Variants in PEX3 observed in about 807,000 individuals in gnomAD.
The protein encoded by PEX3 is peroxisomal biogenesis factor 3, also known as peroxin-3.
PEX3 carries 30 observed loss-of-function variants against 55.8 expected under a neutral mutation model. That is an observed-to-expected ratio of 0.54 (90% CI 0.40 to 0.73). The LOEUF (loss-of-function observed/expected upper bound fraction) is 0.73, where lower values mean the gene tolerates loss of function less well. Among genes scored for constraint, PEX3 ranks in the 30% least tolerant of loss-of-function variants. The pLI is 0.00. For synonymous variants in PEX3, 135 were observed against 148.4 expected (o/e 0.91, Z 0.66); for missense variants, 351 against 432.8 (o/e 0.81, Z 1.68).
At chr6:143,470,032 C>G (rs552019707) in intron 4 of PEX3, among the ~76,000 whole-genome samples, 1 of 152,212 alleles carries the variant, frequency 6.6e-6, no homozygotes, top group South Asian at 2.1e-4. Context: ...TCACTGCAAC[C>G]TCCACCTCCT....
rs1780077565 is a variant in PEX3 at position 143,471,725 on chromosome 6, G to T, written c.578+114G>T. ...CAAACGGTGATTTGTGAAACTCTTT[G>T]TAATAAAATCAGATACCATCCTAGG... is the stretch of plus-strand genomic sequence containing the variant. On this transcript the variant is annotated intron_variant, in intron 7 of 11. Transcript: ENST00000367591. The surrounding 1 kb of genome is among the most constrained non-coding windows in gnomAD (Gnocchi z 5.4). 2.5e-6 allele frequency: 2 copies of T among 812,092 alleles called. No homozygotes were observed. The highest frequency in any genetic ancestry group is 1.8e-5 in the Admixed American group (1 of 55,720). The allele number at this position is 812,092 out of a possible 1,614,324, so 50.3% of individuals were successfully genotyped here. A position where few individuals can be genotyped will look rare whatever the true frequency, so the allele number is the denominator to read the frequency against.
chr6:143,489,008 C>T lies in PEX3; in HGVS notation c.1039-135C>T, dbSNP rs1043685532. 3.1e-6 allele frequency: 2 copies of T among 645,806 alleles called. No homozygotes were observed. The highest frequency in any genetic ancestry group is 3.6e-5 in the African/African-American group (2 of 54,890). The allele number at this position is 645,806 out of a possible 1,614,324, so 40.0% of individuals were successfully genotyped here. A position where few individuals can be genotyped will look rare whatever the true frequency, so the allele number is the denominator to read the frequency against. ...CTAGAATTTATTACAAGAAAAACTACTCATTTTCTTAAATGGTTTGCCTCT... is the reference window on the plus strand; with the variant it reads ...CTAGAATTTATTACAAGAAAAACTATTCATTTTCTTAAATGGTTTGCCTCT... On this transcript the variant is annotated intron_variant, in intron 11 of 11. Transcript: ENST00000367591. This position sits in a 1 kb window ranked among gnomAD's most constrained non-coding sequence, Gnocchi z 5.5.
Position 143,488,103 on chromosome 6 carries a change from A to C in PEX3, c.1039-1040A>C, listed in dbSNP as rs915057271. On this transcript the variant is annotated intron_variant, in intron 11 of 11. Coordinates refer to ENST00000367591, the MANE Select transcript of PEX3 (RefSeq NM_003630.3). This position sits in a 1 kb window ranked among gnomAD's most constrained non-coding sequence, Gnocchi z 4.9. ...ATTGAACACCTAGACTGAATACTTGAAACTAAATAACATCAAATTCTCTGA... is the reference window on the plus strand; with the variant it reads ...ATTGAACACCTAGACTGAATACTTGCAACTAAATAACATCAAATTCTCTGA... Among the ~76,000 whole-genome samples, 1 of 152,138 alleles carries C rather than the reference A, an allele frequency of 6.6e-6. No individual in the cohort carries two copies. Among genetic ancestry groups the C allele is most frequent in the Non-Finnish European group, 1.5e-5 (1 of 67,984 alleles).
chr6:143,480,842 A>G (rs770260682), intron 10 of PEX3, among the ~76,000 whole-genome samples: 8 of 152,050 alleles, frequency 5.3e-5, no homozygotes, highest in Non-Finnish European at 8.8e-5. Flanking sequence ...GAGAGACCCT[A>G]TCTCTACAAC....
At position 143,486,594 on chromosome 6, in the gene PEX3, T is replaced by G. The variant is rs527825788; in HGVS notation, c.1038+1346T>G. Among the ~76,000 whole-genome samples, 32 of 152,306 alleles carry G rather than the reference T, an allele frequency of 2.1e-4. No homozygotes were observed. The highest frequency in any genetic ancestry group is 7.7e-4 in the African/African-American group (32 of 41,576). Reference sequence around the variant, plus strand: ...AGGCTATTACAATTATAGTTTAATTTTTTAAACTATAATTTCTATGAGTTA... The same window carrying G: ...AGGCTATTACAATTATAGTTTAATTGTTTAAACTATAATTTCTATGAGTTA... On this transcript the variant is annotated intron_variant, in intron 11 of 11. Transcript: ENST00000367591. The surrounding 1 kb of genome is among the most constrained non-coding windows in gnomAD (Gnocchi z 5.0).
chr6:143,482,486 T>G lies in PEX3; in HGVS notation c.942-2666T>G, dbSNP rs1331797695. 6.6e-6 allele frequency among the ~76,000 whole-genome samples: 1 copy of G among 151,920 alleles called. No homozygotes were observed. The highest frequency in any genetic ancestry group is 1.5e-5 in the Non-Finnish European group (1 of 67,954). On this transcript the variant is annotated intron_variant, in intron 10 of 11. Transcript: ENST00000367591. The surrounding 1 kb of genome is among the most constrained non-coding windows in gnomAD (Gnocchi z 5.5). ...AATATTATCAAAATTCTATTGGAGA[T>G]TGGAGGATGGTTGATTTTTTTCATC...
Position 143,483,240 on chromosome 6 carries a change from A to T in PEX3, c.942-1912A>T, listed in dbSNP as rs138079704. On this transcript the variant is annotated intron_variant, in intron 10 of 11. Transcript: ENST00000367591. This position sits in a 1 kb window ranked among gnomAD's most constrained non-coding sequence, Gnocchi z 4.3. ...CGTGTTATGAATCAGGCACTGTATT[A>T]GGTTTCTGTTCCCATAGATCTTACA... 1.8e-3 allele frequency among the ~76,000 whole-genome samples: 279 copies of T among 152,322 alleles called. No homozygotes were observed. Among genetic ancestry groups the T allele is most frequent in the African/African-American group, 6.3e-3 (260 of 41,576 alleles).
In PEX3 at chr6:143,458,946, A is replaced by G; in HGVS notation, c.74-139A>G. The stretch of plus-strand genomic sequence containing the variant: ...TTCCTTTTCTTTGGGCCAATCTTAC[A>G]AAATTCTTTATTTAGGTTTTAAAAA... On this transcript the variant is annotated intron_variant, in intron 1 of 11. Coordinates refer to ENST00000367591, the MANE Select transcript of PEX3 (RefSeq NM_003630.3). The surrounding 1 kb of genome is among the most constrained non-coding windows in gnomAD (Gnocchi z 6.1). 1 of 615,716 alleles carries G rather than the reference A, an allele frequency of 1.6e-6. No individual in the cohort carries two copies. The highest frequency in any genetic ancestry group is 2.9e-6 in the Non-Finnish European group (1 of 349,676). The allele number at this position is 615,716 out of a possible 1,614,324, so 38.1% of individuals were successfully genotyped here. A position where few individuals can be genotyped will look rare whatever the true frequency, so the allele number is the denominator to read the frequency against.
rs1780353789 is a variant in PEX3, at chr6:143,489,115, TATA to T, written c.1039-25_1039-23del. 1 of 1,455,696 alleles carries T rather than the reference TATA, an allele frequency of 6.9e-7. No individual in the cohort carries two copies. The highest frequency in any genetic ancestry group is 9.7e-7 in the Non-Finnish European group (1 of 1,035,846). The allele number at this position is 1,455,696 out of a possible 1,614,324, so 90.2% of individuals were successfully genotyped here. A position where few individuals can be genotyped will look rare whatever the true frequency, so the allele number is the denominator to read the frequency against. On this transcript the variant is annotated intron_variant, in intron 11 of 11. Coordinates refer to ENST00000367591, the MANE Select transcript of PEX3 (RefSeq NM_003630.3). This position sits in a 1 kb window ranked among gnomAD's most constrained non-coding sequence, Gnocchi z 5.5. ...CAAATTAGCTATATGTTTTGCAAACTATAATGTTATATTATCATCTTTGCTAGG... is the reference window on the plus strand; with the variant it reads ...CAAATTAGCTATATGTTTTGCAAACTATGTTATATTATCATCTTTGCTAGG...
chr6:143,459,298 G>A lies in PEX3; in HGVS notation c.205+82G>A. ...GCATATCACCGGGATCAAATTTAGA[G>A]GAAAAGGCAAAGAAAAGATGGTAAA... On this transcript the variant is annotated intron_variant, in intron 2 of 11. Coordinates refer to ENST00000367591, the MANE Select transcript of PEX3 (RefSeq NM_003630.3). The surrounding 1 kb of genome is among the most constrained non-coding windows in gnomAD (Gnocchi z 4.2). The A allele has an allele frequency of 8.4e-7, 1 of 1,192,020 alleles. No individual in the cohort carries two copies. The highest frequency in any genetic ancestry group is 1.5e-5 in the African/African-American group (1 of 66,566). 73.8% of individuals were successfully genotyped at this position (1,192,020 alleles called of 1,614,324 possible). A position where few individuals can be genotyped will look rare whatever the true frequency, so the allele number is the denominator to read the frequency against.
intron 9 of PEX3, among the ~76,000 whole-genome samples, chr6:143,477,521 G>C (rs1780171567): frequency 6.6e-6 from 1 of 152,126 alleles, no homozygotes; most frequent in African/African-American, 2.4e-5. Context: ...AGTCAGGTAG[G>C]GATGGCTGAG....
Position 143,468,915 on chromosome 6 carries a change from C to A in PEX3, c.331+750C>A, listed in dbSNP as rs545624866. ...TTCAATTCCCACCTATGAGTGAGAA[C>A]ATGTGGTGTTTGGTTTTCTGTCCTT... On this transcript the variant is annotated intron_variant, in intron 4 of 11. Transcript: ENST00000367591. Among the ~76,000 whole-genome samples the A allele has an allele frequency of 3.2e-3, 464 of 146,904 alleles. 4 individuals carry two copies. In the Middle Eastern group the frequency reaches 0.032, roughly 10 times the overall value.
chr6:143,468,297 G>A (rs1780017764), intron 4 of PEX3, 132 bp downstream of exon 4: 8 of 641,472 alleles, frequency 1.2e-5, no homozygotes, highest in South Asian at 4.0e-5. Context: ...TATAGTACAG[G>A]TAAAGCAAAT....
intron 10 of PEX3, among the ~76,000 whole-genome samples, chr6:143,481,713 T>G (rs1283907544): frequency 6.6e-6 from 1 of 152,088 alleles, no homozygotes; most frequent in African/African-American, 2.4e-5. Context: ...AAAATACATT[T>G]TTATATAATA....
intron 10 of PEX3, among the ~76,000 whole-genome samples, chr6:143,480,234 A>G (rs1408315465): frequency 2.0e-5 from 3 of 152,176 alleles, no homozygotes; most frequent in Admixed American, 6.5e-5. Flanking sequence ...CTCAAGACCA[A>G]TCCTATATAC....
In PEX3 at chr6:143,487,657, T is replaced by C. The variant is rs776070262; in HGVS notation, c.1039-1486T>C. The stretch of plus-strand genomic sequence containing the variant: ...TAATAATTTGTTGTGCCAAAGTGAA[T>C]GTGGACCTGTCTGCTACTGTTCATG... On this transcript the variant is annotated intron_variant, in intron 11 of 11. Transcript: ENST00000367591. The surrounding 1 kb of genome is among the most constrained non-coding windows in gnomAD (Gnocchi z 5.3). 6.6e-6 allele frequency among the ~76,000 whole-genome samples: 1 copy of C among 152,120 alleles called. No individual in the cohort carries two copies. The highest frequency in any genetic ancestry group is 1.5e-5 in the Non-Finnish European group (1 of 67,968).
rs3804543 is a variant in PEX3, at chr6:143,486,313, C to T, written c.1038+1065C>T. On this transcript the variant is annotated intron_variant, in intron 11 of 11. Coordinates refer to ENST00000367591, the MANE Select transcript of PEX3 (RefSeq NM_003630.3). The surrounding 1 kb of genome is among the most constrained non-coding windows in gnomAD (Gnocchi z 5.0). ...TAAACCTTACCTTTACCTTTGTCCT[C>T]TTCTGTAGAAGTCCCTGGCTTGGCC... Among the ~76,000 whole-genome samples, 10 of 151,972 alleles carry T rather than the reference C, an allele frequency of 6.6e-5. No homozygotes were observed. The East Asian group carries it at 7.7e-4, about 12-fold the overall frequency.
intron 8 of PEX3, 97 bp downstream of exon 8, chr6:143,472,425 GTGAT>G: frequency 2.3e-6 from 2 of 854,676 alleles, no homozygotes; most frequent in Non-Finnish European, 3.8e-6. Flanking sequence ...TGAAAGGTAA[GTGAT>G]TGAAAAGCAT....
Position 143,483,289 on chromosome 6 carries a change from A to G in PEX3, c.942-1863A>G, listed in dbSNP as rs1023381630. On this transcript the variant is annotated intron_variant, in intron 10 of 11. Coordinates refer to ENST00000367591, the MANE Select transcript of PEX3 (RefSeq NM_003630.3). This position sits in a 1 kb window ranked among gnomAD's most constrained non-coding sequence, Gnocchi z 4.3. Reference sequence around the variant, plus strand: ...CAATCTAATTGGGGAAATAGTAAATATAATTGTATAAACTATGAGAAGTGT... The same window carrying G: ...CAATCTAATTGGGGAAATAGTAAATGTAATTGTATAAACTATGAGAAGTGT... Among the ~76,000 whole-genome samples the G allele has an allele frequency of 1.3e-5, 2 of 152,206 alleles. No individual in the cohort carries two copies. Among genetic ancestry groups the G allele is most frequent in the Non-Finnish European group, 1.5e-5 (1 of 68,032 alleles).
Sources: gnomAD v4.1 joint callset for allele counts (sites outside exome capture counted in the v4.1 genomes callset) on GRCh38, gnomAD v4.1.1 for gene constraint, Gnocchi (gnomAD v3.1) non-coding constraint, MANE v1.5 for transcripts, NCBI Gene and HGNC (gene_info 2026-07-23, HGNC 2026-07-21) for gene names.